TMEM150C: variants seen among roughly 807,000 people sequenced by gnomAD.
The protein encoded by TMEM150C is transmembrane protein 150C.
TMEM150C carries 10 observed loss-of-function variants against 29.9 expected under a neutral mutation model. That is an observed-to-expected ratio of 0.33 (90% CI 0.21 to 0.57). TMEM150C has a LOEUF of 0.57. TMEM150C is among the 20% of genes least tolerant of loss of function. TMEM150C has a pLI of 0.88. For missense variants in TMEM150C, 251 were observed against 303.6 expected, an observed-to-expected ratio of 0.83 and a Z score of 1.29; for synonymous variants, 101 against 112.5, an observed-to-expected ratio of 0.90 and a Z score of 0.64.
In TMEM150C at chr4:82,485,447, G is replaced by A. The variant is rs557100245; in HGVS notation, c.*64C>T. ...TGAGGTTCTATGTCAAGTCCTGTGA[G>A]TGTGTCCTACTGGCCCCTCCCCCAC... On this transcript the variant is annotated 3_prime_UTR_variant, in exon 8 of 8. Coordinates refer to ENST00000449862, the MANE Select transcript of TMEM150C (RefSeq NM_001080506.3). 2.4e-6 allele frequency: 3 copies of A among 1,237,918 alleles called. No homozygotes were observed. In the East Asian group the frequency reaches 7.6e-5, roughly 31 times the overall value. 76.7% of individuals were successfully genotyped at this position (1,237,918 alleles called of 1,614,324 possible). A position where few individuals can be genotyped will look rare whatever the true frequency, so the allele number is the denominator to read the frequency against.
intron 1 of TMEM150C, among the ~76,000 whole-genome samples, chr4:82,550,115 G>T (rs2110092064): frequency 6.6e-6 from 1 of 152,334 alleles, no homozygotes; most frequent in South Asian, 2.1e-4. Flanking sequence ...TGAGGGAGGG[G>T]CCTGGTGGGA....
At chr4:82,486,281 G>C (rs1196477353) in intron 7 of TMEM150C, among the ~76,000 whole-genome samples, 2 of 138,644 alleles carry the variant, frequency 1.4e-5, no homozygotes, top group East Asian at 4.3e-4. Context: ...TGCAAATGGT[G>C]AGCCAAGACC....
At chr4:82,522,666 A>C (rs1724523559) in intron 1 of TMEM150C, among the ~76,000 whole-genome samples, 1 of 152,204 alleles carries the variant, frequency 6.6e-6, no homozygotes, top group Non-Finnish European at 1.5e-5. Context: ...AGGACCATGG[A>C]GACAGGTACG....
chr4:82,524,473 C>A (rs1025780530), intron 1 of TMEM150C, among the ~76,000 whole-genome samples: 3 of 152,168 alleles, frequency 2.0e-5, no homozygotes, highest in African/African-American at 7.2e-5. Flanking sequence ...CTACCCACTT[C>A]TTTTAAATCG....
At chr4:82,560,879 T>C (rs1725897926) in intron 1 of TMEM150C, among the ~76,000 whole-genome samples, 1 of 152,194 alleles carries the variant, frequency 6.6e-6, no homozygotes, top group Non-Finnish European at 1.5e-5. Flanking sequence ...CAACATGGCA[T>C]TGGTATATCT....
chr4:82,493,643 A>T (rs1485940323), intron 6 of TMEM150C, among the ~76,000 whole-genome samples: 1 of 152,084 alleles, frequency 6.6e-6, no homozygotes, highest in African/African-American at 2.4e-5. Context: ...CTTCTTAGTA[A>T]CTCATCAAAG....
chr4:82,562,019 T>G, upstream of TMEM150C: 2 of 1,153,464 alleles, frequency 1.7e-6, no homozygotes, highest in Non-Finnish European at 2.2e-6. Flanking sequence ...GGGTGGGATC[T>G]GCTCACCCGC....
intron 1 of TMEM150C, among the ~76,000 whole-genome samples, chr4:82,541,608 T>A (rs1025131969): frequency 2.0e-5 from 3 of 152,186 alleles, no homozygotes; most frequent in African/African-American, 7.2e-5. Flanking sequence ...AATGTACAGA[T>A]CAGACTAAAT....
chr4:82,545,068 A>G (rs1345383260), intron 1 of TMEM150C, among the ~76,000 whole-genome samples: 1 of 152,156 alleles, frequency 6.6e-6, no homozygotes, highest in Non-Finnish European at 1.5e-5. Flanking sequence ...CACCTTGATA[A>G]CAAAATCTGG....
In TMEM150C at chr4:82,504,593, G is replaced by A. The variant is rs368293156; in HGVS notation, c.65C>T (p.Ala22Val). Residue 22 changes from alanine (A) to valine (V), a missense_variant, in exon 2 of 8, where the codon GCT (alanine) becomes GTT (valine). Ala to Val is a moderately conservative substitution (Grantham distance 64). Coordinates refer to ENST00000449862, the MANE Select transcript of TMEM150C (RefSeq NM_001080506.3). ...AAATACTCACACTATCCACAATCCA[G>A]CTGAAGTAAACAAAGTAAATACAAG... is the stretch of plus-strand genomic sequence containing the variant. The part of the protein sequence containing the change: ...LPLVFTLFTS[A>V]GLWIVYFIAV... 15 of 1,612,804 alleles carry A rather than the reference G, an allele frequency of 9.3e-6. No individual in the cohort carries two copies. Among genetic ancestry groups the A allele is most frequent in the Admixed American group, 1.7e-5 (1 of 59,948 alleles).
At chr4:82,494,994 C>T (rs1723494106) in intron 6 of TMEM150C, 2 of 782,100 alleles carry the variant, frequency 2.6e-6, no homozygotes, top group South Asian at 3.2e-5. Flanking sequence ...TTTCTTAGTA[C>T]ACTGCTTCTT....
rs543535032 is a variant in TMEM150C, at chr4:82,539,507, C to T, written c.-11+22399G>A. Among the ~76,000 whole-genome samples the T allele has an allele frequency of 1.4e-3, 212 of 150,950 alleles. 2 individuals carry two copies. The highest frequency in any genetic ancestry group is 2.6e-3 in the Non-Finnish European group (176 of 67,952). ...TCGCTCTGTCGCCCAGGCTGGAGTG[C>T]AGTGGCACGATCTCGGCTCACTGCA... is the stretch of plus-strand genomic sequence containing the variant. On this transcript the variant is annotated intron_variant, in intron 1 of 7. Coordinates refer to ENST00000449862, the MANE Select transcript of TMEM150C (RefSeq NM_001080506.3).
intron 1 of TMEM150C, among the ~76,000 whole-genome samples, chr4:82,529,926 T>C (rs754807854): frequency 1.6e-4 from 25 of 151,864 alleles, no homozygotes; most frequent in Admixed American, 3.9e-4. Context: ...TTATGGTTAA[T>C]AGGAAAGAAG....
chr4:82,527,019 CTTT>C (rs893109064), intron 1 of TMEM150C, among the ~76,000 whole-genome samples: 13 of 74,720 alleles, frequency 1.7e-4, no homozygotes, highest in African/African-American at 7.1e-4. Context: ...CATACTGGGT[CTTT>C]TTTTTTTTTT....
At chr4:82,516,898 C>G (rs1005937869) in intron 1 of TMEM150C, among the ~76,000 whole-genome samples, 1 of 152,190 alleles carries the variant, frequency 6.6e-6, no homozygotes. Flanking sequence ...GGAGTTCAGA[C>G]TGATGTGGGG....
chr4:82,489,899 G>C (rs931567137), intron 7 of TMEM150C, among the ~76,000 whole-genome samples, 162 bp downstream of exon 7: 1 of 152,158 alleles, frequency 6.6e-6, no homozygotes, highest in Non-Finnish European at 1.5e-5. Context: ...CCTTTGGCAT[G>C]AAAAATTGGT....
chr4:82,558,778 A>G (rs1005536448), intron 1 of TMEM150C, among the ~76,000 whole-genome samples: 1 of 152,258 alleles, frequency 6.6e-6, no homozygotes, highest in South Asian at 2.1e-4. Context: ...GTAAAAATTT[A>G]TAGTTAAAAT....
chr4:82,486,323 G>A (rs558785801), intron 7 of TMEM150C, among the ~76,000 whole-genome samples: 4 of 119,954 alleles, frequency 3.3e-5, no homozygotes, highest in African/African-American at 1.0e-4. Context: ...TGGACAGAGC[G>A]AGACTCCATC....
chr4:82,510,565 T>C (rs532884888), intron 1 of TMEM150C, among the ~76,000 whole-genome samples: 4 of 152,300 alleles, frequency 2.6e-5, no homozygotes, highest in African/African-American at 7.2e-5. Flanking sequence ...ATAATAATGG[T>C]ATCTACCTTA....
Sources: allele counts gnomAD v4.1 joint callset (sites outside exome capture counted in the v4.1 genomes callset), GRCh38; gene constraint gnomAD v4.1.1; transcripts MANE v1.5; gene names NCBI Gene and HGNC (gene_info 2026-07-23, HGNC 2026-07-21).